The following PHF20L1 variants were observed in gnomAD, a reference collection of about 807,000 sequenced individuals.
PHF20L1 encodes PHD finger protein 20-like protein 1.
Under a neutral mutation model 125.5 loss-of-function variants are expected in PHF20L1, and 44 were observed. That is an observed-to-expected ratio of 0.35 (90% CI 0.28 to 0.45). The LOEUF is 0.45. PHF20L1 is among the 20% of genes least tolerant of loss of function. The pLI is 1.00. For missense variants in PHF20L1, 1,012 were observed against 1,217.2 expected (o/e 0.83, Z 2.51); for synonymous variants, 380 against 403.1 (o/e 0.94, Z 0.69).
At chr8:132,830,499 T>C (rs1836644955) in intron 14 of PHF20L1, among the ~76,000 whole-genome samples, 2 of 152,100 alleles carry the variant, frequency 1.3e-5, no homozygotes, top group Admixed American at 6.6e-5. Flanking sequence ...GCGTCTCTTA[T>C]AAGCTCACTT....
chr8:132,838,785 T>A (rs916066822), intron 17 of PHF20L1, among the ~76,000 whole-genome samples: 1 of 152,170 alleles, frequency 6.6e-6, no homozygotes, highest in Non-Finnish European at 1.5e-5. Flanking sequence ...CATTTGTTAT[T>A]TATTCAGAAG....
At chr8:132,775,675 G>A in intron 1 of PHF20L1, 30 bp downstream of exon 1, 1 of 332,522 alleles carries the variant, frequency 3.0e-6, no homozygotes, top group Non-Finnish European at 5.4e-6. Context: ...GAGCCGGCAG[G>A]CCGCCTGGCC....
At chr8:132,828,227 T>G (rs1836401634) in intron 14 of PHF20L1, among the ~76,000 whole-genome samples, 1 of 152,036 alleles carries the variant, frequency 6.6e-6, no homozygotes, top group Non-Finnish European at 1.5e-5. Flanking sequence ...CTGGTACTTA[T>G]GTACCCAAAA....
At chr8:132,807,511 A>G (rs1186827254) in intron 8 of PHF20L1, 1 of 276,422 alleles carries the variant, frequency 3.6e-6, no homozygotes, top group East Asian at 1.0e-4. Context: ...AGGAATTTAA[A>G]AAGTTTAAAA....
intron 2 of PHF20L1, among the ~76,000 whole-genome samples, chr8:132,787,379 C>T (rs1334912920): frequency 1.3e-5 from 2 of 152,070 alleles, no homozygotes; most frequent in Non-Finnish European, 2.9e-5. Context: ...TTCTGTTCTT[C>T]TCTTTGTTGT....
intron 9 of PHF20L1, among the ~76,000 whole-genome samples, chr8:132,813,750 G>A (rs547348475): frequency 6.6e-6 from 1 of 151,868 alleles, no homozygotes; most frequent in Non-Finnish European, 1.5e-5. Context: ...TTCATCCAAT[G>A]TAGTTATTTT....
At chr8:132,845,540 C>A (rs1455536013) in intron 20 of PHF20L1, among the ~76,000 whole-genome samples, 1 of 151,664 alleles carries the variant, frequency 6.6e-6, no homozygotes, top group Non-Finnish European at 1.5e-5. Flanking sequence ...TACATAATTC[C>A]TATATATATA....
At chr8:132,835,158 G>C (rs1361448183) in intron 15 of PHF20L1, among the ~76,000 whole-genome samples, 1 of 152,090 alleles carries the variant, frequency 6.6e-6, no homozygotes, top group Non-Finnish European at 1.5e-5. Flanking sequence ...ATTCTGGAGT[G>C]GCTATATTAT....
rs1336146117 is a variant in PHF20L1 at position 132,845,903 on chromosome 8, G to A, written c.3034G>A (p.Ala1012Thr). 8 of 1,611,988 alleles carry A rather than the reference G, an allele frequency of 5.0e-6. No individual in the cohort carries two copies. The highest frequency in any genetic ancestry group is 1.3e-5 in the African/African-American group (1 of 74,848). Residue 1012 changes from alanine to threonine, a missense_variant, in exon 21 of 21, where the codon GCA becomes ACA. By Grantham distance (58) the Ala-to-Thr change is moderately conservative. Coordinates refer to ENST00000395386, the MANE Select transcript of PHF20L1 (RefSeq NM_016018.5). Reference protein sequence around the residue: ...LIDMGKVQQIATLCSV With the variant: ...LIDMGKVQQITTLCSV The stretch of plus-strand genomic sequence containing the variant: ...TGACATGGGCAAAGTACAGCAGATA[G>A]CAACTCTTTGCTCTGTATGACAACA...
chr8:132,814,209 A>G (rs1834717048), intron 9 of PHF20L1, among the ~76,000 whole-genome samples: 1 of 151,990 alleles, frequency 6.6e-6, no homozygotes. Flanking sequence ...AAAAGAAAAG[A>G]TTTTATAAGA....
In PHF20L1 at chr8:132,794,471, C is replaced by T. The variant is rs747048371; in HGVS notation, c.145C>T (p.Arg49Cys). ...EEGKMLVHFE[R>C]WSHRYDEWIY... Reference sequence around the variant, plus strand: ...GGGCAAGATGTTGGTCCATTTTGAGCGCTGGAGTCATCGTTATGATGAGTG... The same window carrying T: ...GGGCAAGATGTTGGTCCATTTTGAGTGCTGGAGTCATCGTTATGATGAGTG... Residue 49 changes from arginine to cysteine, a missense_variant, in exon 3 of 21, where the codon CGC (arginine) becomes TGC (cysteine). Physicochemically the swap from Arg to Cys is radical, Grantham distance 180. This residue lies in a region of PHF20L1 where 94 missense variants were observed against 179.5 expected (regional missense o/e 0.52). Transcript: ENST00000395386. 3.1e-6 allele frequency: 5 copies of T among 1,610,794 alleles called. No homozygotes were observed. The highest frequency in any genetic ancestry group is 1.1e-5 in the South Asian group (1 of 91,010).
At chr8:132,789,792 A>G (rs1428161745) in intron 2 of PHF20L1, among the ~76,000 whole-genome samples, 1 of 152,172 alleles carries the variant, frequency 6.6e-6, no homozygotes, top group South Asian at 2.1e-4. Context: ...CAGAAATTTT[A>G]TGGTATATTG....
At chr8:132,798,885 T>C (rs1007619207) in intron 5 of PHF20L1, 25 bp downstream of exon 5, 39 of 1,470,250 alleles carry the variant, frequency 2.7e-5, no homozygotes, top group Non-Finnish European at 3.7e-5. Flanking sequence ...TATTCCTAGC[T>C]ACCCAAAGGG....
At chr8:132,791,154 A>T (rs1247967199) in intron 2 of PHF20L1, among the ~76,000 whole-genome samples, 2 of 152,154 alleles carry the variant, frequency 1.3e-5, no homozygotes, top group African/African-American at 4.8e-5. Flanking sequence ...TAAGTAAAAA[A>T]CACAGAGCCT....
intron 12 of PHF20L1, among the ~76,000 whole-genome samples, chr8:132,821,083 G>A (rs895623829): frequency 5.3e-5 from 8 of 151,794 alleles, no homozygotes; most frequent in Non-Finnish European, 1.0e-4. Flanking sequence ...TTTATGTAAC[G>A]TCAGGATGTC....
chr8:132,783,723 A>G (rs932015368), intron 2 of PHF20L1, among the ~76,000 whole-genome samples: 10 of 152,154 alleles, frequency 6.6e-5, no homozygotes, highest in African/African-American at 2.2e-4. Flanking sequence ...ATAGAAAGTA[A>G]TGATTATTAT....
chr8:132,788,638 A>G (rs1289382412), intron 2 of PHF20L1, among the ~76,000 whole-genome samples: 4 of 151,988 alleles, frequency 2.6e-5, no homozygotes, highest in African/African-American at 9.7e-5. Context: ...ATCTGGGTAT[A>G]TATTTTAAAT....
chr8:132,824,931 C>T, intron 13 of PHF20L1: 1 of 890,566 alleles, frequency 1.1e-6, no homozygotes, highest in Non-Finnish European at 1.5e-6. Context: ...TGAGTCTCTT[C>T]ATTCAGGTCC....
chr8:132,817,740 C>A, intron 12 of PHF20L1, 195 bp downstream of exon 12: 1 of 542,472 alleles, frequency 1.8e-6, no homozygotes, highest in Non-Finnish European at 3.3e-6. Flanking sequence ...CAATCATATT[C>A]CCTGGACATA....
Sources: allele counts gnomAD v4.1 joint callset (sites outside exome capture counted in the v4.1 genomes callset), GRCh38; gene constraint gnomAD v4.1.1; regional missense constraint gnomAD v4.1.1; transcripts MANE v1.5; gene names NCBI Gene and HGNC (gene_info 2026-07-23, HGNC 2026-07-21).